Variants in EVC observed in about 807,000 individuals in gnomAD.
EVC encodes evC complex member EVC.
A neutral mutation model predicts 118.9 loss-of-function variants in EVC; 116 were observed. That is an observed-to-expected ratio of 0.98 (90% CI 0.84 to 1.14). The LOEUF (loss-of-function observed/expected upper bound fraction) is 1.14, where lower values mean the gene tolerates loss of function less well. Among genes scored for constraint, EVC ranks in the 50% most tolerant of loss-of-function variants. The pLI, the probability that EVC is intolerant of heterozygous loss-of-function variation, is 0.00. For synonymous variants in EVC, 619 were observed against 534.7 expected, an observed-to-expected ratio of 1.16 and a Z score of -2.18; for missense variants, 1,401 against 1,246.4, an observed-to-expected ratio of 1.12 and a Z score of -1.87.
At chr4:5,757,237 C>T (rs530405939) in intron 11 of EVC, among the ~76,000 whole-genome samples, 8 of 152,292 alleles carry the variant, frequency 5.3e-5, no homozygotes, top group African/African-American at 1.4e-4. Flanking sequence ...CTTCTGAGTG[C>T]AGAGGAGAGG....
intron 11 of EVC, among the ~76,000 whole-genome samples, chr4:5,782,142 A>G (rs747621065): frequency 4.6e-5 from 7 of 152,068 alleles, no homozygotes; most frequent in Non-Finnish European, 8.8e-5. Flanking sequence ...CAGTGACACA[A>G]TCTCAGCCCA....
rs41269559 is a variant in EVC, at chr4:5,793,859, C to T, written c.1886+142C>T. On this transcript the variant is annotated intron_variant, in intron 13 of 20. Transcript: ENST00000264956. ...TAAATGACTTAACGTTTCTTAGCCTCGATTTCCTCATCTATAAAATGGGAT... is the reference window on the plus strand; with the variant it reads ...TAAATGACTTAACGTTTCTTAGCCTTGATTTCCTCATCTATAAAATGGGAT... The T allele has an allele frequency of 9.6e-3, 6,848 of 714,682 alleles. 50 individuals carry two copies. Among genetic ancestry groups the T allele is most frequent in the Non-Finnish European group, 0.014 (5,358 of 392,258 alleles). 44.3% of individuals were successfully genotyped at this position (714,682 alleles called of 1,614,324 possible). A position where few individuals can be genotyped will look rare whatever the true frequency, so the allele number is the denominator to read the frequency against.
chr4:5,806,168 C>T (rs1715874733), intron 17 of EVC, among the ~76,000 whole-genome samples: 1 of 151,992 alleles, frequency 6.6e-6, no homozygotes, highest in South Asian at 2.1e-4. Flanking sequence ...CAACCTCCGC[C>T]TCCCGGGTTC....
At chr4:5,763,242 G>T (rs1732345465) in intron 11 of EVC, among the ~76,000 whole-genome samples, 1 of 143,884 alleles carries the variant, frequency 7.0e-6, no homozygotes, top group Non-Finnish European at 1.5e-5. Context: ...TGAGGGCTCT[G>T]TTCTGTTCCA....
intron 8 of EVC, among the ~76,000 whole-genome samples, chr4:5,752,187 G>A (rs563789210): frequency 2.0e-5 from 3 of 152,056 alleles, no homozygotes; most frequent in African/African-American, 4.8e-5. Context: ...TCCGCCGTCC[G>A]CTCCTCCTTT....
chr4:5,772,886 G>A (rs530091982), intron 11 of EVC, among the ~76,000 whole-genome samples: 2 of 152,216 alleles, frequency 1.3e-5, no homozygotes, highest in African/African-American at 4.8e-5. Context: ...GCTCATTCTT[G>A]CTCTTTGAGT....
In EVC at chr4:5,797,143, C is replaced by A; in HGVS notation, c.2008C>A (p.Leu670Ile). 1 of 1,613,644 alleles carries A rather than the reference C, an allele frequency of 6.2e-7. No homozygotes were observed. The highest frequency in any genetic ancestry group is 8.5e-7 in the Non-Finnish European group (1 of 1,180,006). ...TQMRLSGKKH[L>I]LQELREQRAL... ...GATGCGGCTATCGGGGAAGAAGCAC[C>A]TCCTGCAGGAGCTGCGGGAACAGCG... The change falls in exon 14 of 21, where the codon CTC becomes ATC. Residue 670 changes from leucine (L) to isoleucine (I), a missense_variant. Coordinates refer to ENST00000264956, the MANE Select transcript of EVC (RefSeq NM_153717.3).
chr4:5,729,176 C>G lies in EVC; in HGVS notation c.301-131C>G. ...CTGGCAAGGAAGAGCTAATATGAAT[C>G]TAAATGTGCCTATCATGGTCCCTTT... is the stretch of plus-strand genomic sequence containing the variant. On this transcript the variant is annotated intron_variant, in intron 2 of 20. Transcript: ENST00000264956. 9 of 806,740 alleles carry G rather than the reference C, an allele frequency of 1.1e-5. No homozygotes were observed. The South Asian group carries it at 1.3e-4, about 11-fold the overall frequency. 50.0% of individuals were successfully genotyped at this position (806,740 alleles called of 1,614,324 possible).
rs906227518 is a variant in EVC, at chr4:5,719,098, A to G, written c.175-150A>G. The G allele has an allele frequency of 1.3e-5, 14 of 1,075,390 alleles. No homozygotes were observed. The African/African-American group carries it at 2.2e-4, about 17-fold the overall frequency. 66.6% of individuals were successfully genotyped at this position (1,075,390 alleles called of 1,614,324 possible). On this transcript the variant is annotated intron_variant, in intron 1 of 20. Transcript: ENST00000264956. This position sits in a 1 kb window ranked among gnomAD's most constrained non-coding sequence, Gnocchi z 4.7. ...CCACGTGGGGTGGGAGGCGTCACAC[A>G]CAGAAGACCAAGCTTGAGAAGCACA...
intron 11 of EVC, among the ~76,000 whole-genome samples, chr4:5,780,241 G>T (rs1353887796): frequency 6.6e-6 from 1 of 152,198 alleles, no homozygotes; most frequent in African/African-American, 2.4e-5. Context: ...TGATTTGAAT[G>T]AAATTTAACT....
intron 8 of EVC, 122 bp from the exon 9 acceptor site, chr4:5,752,714 T>C: frequency 1.0e-6 from 1 of 996,930 alleles, no homozygotes; most frequent in South Asian, 1.3e-5. Context: ...CCCTCTGAGC[T>C]CCGCTCTCCC....
chr4:5,737,824 A>C lies in EVC; in HGVS notation c.703-3892A>C, dbSNP rs1047767817. Among the ~76,000 whole-genome samples the C allele has an allele frequency of 6.6e-6, 1 of 152,366 alleles. No individual in the cohort carries two copies. The highest frequency in any genetic ancestry group is 1.9e-4 in the East Asian group (1 of 5,192). ...GTACAAGGAAGTTAATGTCATTTTC[A>C]TGCCTGCTAACACAACATTCATTCT... is the stretch of plus-strand genomic sequence containing the variant. On this transcript the variant is annotated intron_variant, in intron 5 of 20. Transcript: ENST00000264956. The surrounding 1 kb of genome is among the most constrained non-coding windows in gnomAD (Gnocchi z 5.0).
In EVC at chr4:5,804,797, G is replaced by T. The variant is rs769319527; in HGVS notation, c.2517G>T (p.Arg839Ser). Residue 839 changes from arginine to serine, a missense_variant, in exon 17 of 21, where the codon AGG (arginine) becomes AGT (serine). By Grantham distance (110) the Arg-to-Ser change is moderately radical. Transcript: ENST00000264956. ...QELSNPSSGS[R>S]TAGGAHETSQ... ...TCAGCAACCCTTCGTCGGGCAGCAG[G>T]ACGGCAGGTGGCGCTCATGAGACCT... 6.2e-7 allele frequency: 1 copy of T among 1,614,166 alleles called. No individual in the cohort carries two copies. The highest frequency in any genetic ancestry group is 1.3e-5 in the African/African-American group (1 of 75,036).
chr4:5,780,098 A>G (rs925642843), intron 11 of EVC, among the ~76,000 whole-genome samples: 3 of 152,158 alleles, frequency 2.0e-5, no homozygotes, highest in Non-Finnish European at 4.4e-5. Flanking sequence ...TATTGAGATA[A>G]TCATGTGGTT....
In EVC at chr4:5,756,776, C is replaced by T. The variant is rs548933139; in HGVS notation, c.1563+414C>T. Reference sequence around the variant, plus strand: ...ACACCACCTCTTTCCCCTGTGCAACCGTGTGCAGGTCTGGGGTGGGGAGGT... The same window carrying T: ...ACACCACCTCTTTCCCCTGTGCAACTGTGTGCAGGTCTGGGGTGGGGAGGT... On this transcript the variant is annotated intron_variant, in intron 11 of 20. Transcript: ENST00000264956. This position sits in a 1 kb window ranked among gnomAD's most constrained non-coding sequence, Gnocchi z 4.2. 3.3e-5 allele frequency among the ~76,000 whole-genome samples: 5 copies of T among 152,218 alleles called. No individual in the cohort carries two copies. Among genetic ancestry groups the T allele is most frequent in the South Asian group, 2.1e-4 (1 of 4,820 alleles).
At chr4:5,814,505 C>T (rs997984701), downstream of EVC, among the ~76,000 whole-genome samples, 1 of 152,168 alleles carries the variant, frequency 6.6e-6, no homozygotes, top group African/African-American at 2.4e-5. Flanking sequence ...GCCATCCGCC[C>T]ATCACATGTT....
chr4:5,739,778 T>A (rs1728233993), intron 5 of EVC, among the ~76,000 whole-genome samples: 1 of 152,102 alleles, frequency 6.6e-6, no homozygotes, highest in South Asian at 2.1e-4. Flanking sequence ...TAAAAATGCC[T>A]TACCAGGCGG....
chr4:5,740,797 CAAAAAGGAT>C (rs1460817284), intron 5 of EVC, among the ~76,000 whole-genome samples: 1 of 151,930 alleles, frequency 6.6e-6, no homozygotes, highest in Non-Finnish European at 1.5e-5. Flanking sequence ...GATATTTCAC[CAAAAAGGAT>C]ATATAGATGG....
At chr4:5,716,484 A>G (rs1723982031) in intron 1 of EVC, among the ~76,000 whole-genome samples, 1 of 152,230 alleles carries the variant, frequency 6.6e-6, no homozygotes, top group Admixed American at 6.5e-5. Context: ...CTCCCCAGGA[A>G]GAGCTTTAGA....
Sources: allele counts gnomAD v4.1 joint callset (sites outside exome capture counted in the v4.1 genomes callset), GRCh38; gene constraint gnomAD v4.1.1; non-coding constraint Gnocchi (gnomAD v3.1); transcripts MANE v1.5; gene names NCBI Gene and HGNC (gene_info 2026-07-23, HGNC 2026-07-21).